Variants in PRR16 observed in about 807,000 individuals in gnomAD.
The protein encoded by PRR16 is protein Largen.
Under a neutral mutation model 18.2 loss-of-function variants are expected in PRR16, and 6 were observed. The ratio of observed to expected loss-of-function variants is 0.33; its 90% CI spans 0.18 to 0.65. PRR16 has a LOEUF of 0.65. PRR16 is among the 30% of genes least tolerant of loss of function. The probability of loss-of-function intolerance (pLI) is 0.74; values close to 1 mark genes in which losing one functional copy is unlikely to be tolerated. For missense variants in PRR16, 412 were observed against 376.6 expected, an observed-to-expected ratio of 1.09 and a Z score of -0.78; for synonymous variants, 151 against 147.8, an observed-to-expected ratio of 1.02 and a Z score of -0.16.
intron 1 of PRR16, among the ~76,000 whole-genome samples, chr5:120,600,951 A>G (rs1584467): frequency 1.3e-5 from 2 of 151,974 alleles, no homozygotes; most frequent in South Asian, 4.2e-4. Flanking sequence ...TATGTACCAC[A>G]TTTTCTTTAT....
intron 1 of PRR16, among the ~76,000 whole-genome samples, chr5:120,491,984 A>G (rs1750068298): frequency 6.6e-6 from 1 of 152,290 alleles, no homozygotes; most frequent in African/African-American, 2.4e-5. Flanking sequence ...TGCATTTAGA[A>G]TGACACAATT....
chr5:120,515,582 T>C (rs568985389), intron 1 of PRR16, among the ~76,000 whole-genome samples: 2 of 152,332 alleles, frequency 1.3e-5, no homozygotes, highest in Admixed American at 6.5e-5. Flanking sequence ...ACCTCAGGGA[T>C]ACCCTACATT....
the PRR16 span, among the ~76,000 whole-genome samples, chr5:120,708,875 T>A: frequency 6.6e-6 from 1 of 152,030 alleles, no homozygotes; most frequent in Non-Finnish European, 1.5e-5. Flanking sequence ...TAATTGATCA[T>A]TTACAGATGA....
chr5:120,723,190 AATT>A, the PRR16 span, among the ~76,000 whole-genome samples: 1 of 151,940 alleles, frequency 6.6e-6, no homozygotes, highest in Admixed American at 6.6e-5. Flanking sequence ...AGTAATTTGT[AATT>A]ATTAATAAAA....
chr5:120,623,698 T>G (rs967756251), intron 1 of PRR16, among the ~76,000 whole-genome samples: 3 of 152,124 alleles, frequency 2.0e-5, no homozygotes, highest in African/African-American at 7.2e-5. Flanking sequence ...CAAAAAGTAA[T>G]TGCATTAATT....
intron 1 of PRR16, among the ~76,000 whole-genome samples, chr5:120,502,367 TA>T (rs1233931641): frequency 7.5e-6 from 1 of 133,980 alleles, no homozygotes; most frequent in African/African-American, 3.2e-5. Flanking sequence ...ATATTTTATA[TA>T]TTATATATAT....
At chr5:120,685,745 GTTAAA>G (rs570382561) in intron 1 of PRR16, among the ~76,000 whole-genome samples, 34 of 152,196 alleles carry the variant, frequency 2.2e-4, no homozygotes, top group African/African-American at 7.7e-4. Flanking sequence ...TTCTAAGCAT[GTTAAA>G]TTATATTATC....
At chr5:120,498,706 G>A (rs1376294490) in intron 1 of PRR16, among the ~76,000 whole-genome samples, 1 of 151,458 alleles carries the variant, frequency 6.6e-6, no homozygotes, top group East Asian at 1.9e-4. Flanking sequence ...GTCGTCTAGT[G>A]ACCAGTTCTC....
intron 1 of PRR16, chr5:120,618,626 G>T (rs1754589100): frequency 7.4e-6 from 6 of 815,400 alleles, no homozygotes; most frequent in Non-Finnish European, 8.9e-6. Flanking sequence ...ATACTGAAAA[G>T]AAAATAAATT....
At chr5:120,700,714 G>C in the PRR16 span, among the ~76,000 whole-genome samples, 1 of 152,142 alleles carries the variant, frequency 6.6e-6, no homozygotes. Context: ...ACAGGCCCTT[G>C]AAAAGAAAGT....
intron 1 of PRR16, among the ~76,000 whole-genome samples, chr5:120,684,864 A>G (rs1757073203): frequency 6.6e-6 from 1 of 152,162 alleles, no homozygotes; most frequent in Non-Finnish European, 1.5e-5. Context: ...CTCTCTCCTT[A>G]ACGTGGGTTC....
chr5:120,533,392 C>G (rs1004368562), intron 1 of PRR16, among the ~76,000 whole-genome samples: 2 of 151,904 alleles, frequency 1.3e-5, no homozygotes, highest in African/African-American at 2.4e-5. Context: ...TAAACAATAA[C>G]CATAATAAAT....
At chr5:120,711,558 T>C in the PRR16 span, among the ~76,000 whole-genome samples, 3 of 152,192 alleles carry the variant, frequency 2.0e-5, no homozygotes, top group Non-Finnish European at 4.4e-5. Context: ...AGGATATTAA[T>C]CAGTATGTCA....
intron 1 of PRR16, among the ~76,000 whole-genome samples, chr5:120,536,207 T>TCTTA (rs1387450202): frequency 6.6e-6 from 1 of 152,172 alleles, no homozygotes; most frequent in African/African-American, 2.4e-5. Context: ...GAGTGAGAGT[T>TCTTA]CTTACTGCTT....
At chr5:120,630,532 C>A (rs917476669) in intron 1 of PRR16, among the ~76,000 whole-genome samples, 1 of 151,156 alleles carries the variant, frequency 6.6e-6, no homozygotes. Context: ...TATATTTGAA[C>A]CCCAAACCTA....
At chr5:120,584,972 C>A (rs906806623) in intron 1 of PRR16, among the ~76,000 whole-genome samples, 1 of 152,220 alleles carries the variant, frequency 6.6e-6, no homozygotes, top group African/African-American at 2.4e-5. Flanking sequence ...TGATTTCAAG[C>A]CCCTGGTCTT....
chr5:120,762,217 C>T, the PRR16 span, among the ~76,000 whole-genome samples: 1 of 152,030 alleles, frequency 6.6e-6, no homozygotes, highest in Non-Finnish European at 1.5e-5. Context: ...ATTTCCTTTC[C>T]TTGGATAAAT....
At chr5:120,697,605 T>G in the PRR16 span, among the ~76,000 whole-genome samples, 1 of 152,138 alleles carries the variant, frequency 6.6e-6, no homozygotes, top group Admixed American at 6.5e-5. Flanking sequence ...CATGGCTGTT[T>G]ATTTCACCTG....
At chr5:120,632,464 A>G (rs546024154) in intron 1 of PRR16, among the ~76,000 whole-genome samples, 1 of 152,274 alleles carries the variant, frequency 6.6e-6, no homozygotes, top group African/African-American at 2.4e-5. Flanking sequence ...AGTCAAATAT[A>G]AAGAAATTAA....
Sources: allele counts gnomAD v4.1 joint callset (sites outside exome capture counted in the v4.1 genomes callset), GRCh38; gene constraint gnomAD v4.1.1; transcripts MANE v1.5; gene names NCBI Gene and HGNC (gene_info 2026-07-23, HGNC 2026-07-21).